MAP2K1: variants seen among roughly 807,000 people sequenced by gnomAD.
MAP2K1 encodes mitogen-activated protein kinase kinase 1, also known as dual specificity mitogen-activated protein kinase kinase 1.
In MAP2K1, 16 loss-of-function variants were observed where a neutral mutation model predicts 46.3. The observed-to-expected ratio is 0.35, with a 90% CI of 0.23 to 0.52. The LOEUF (loss-of-function observed/expected upper bound fraction) is 0.52, where lower values mean the gene tolerates loss of function less well. MAP2K1 is among the 20% of genes least tolerant of loss of function. The pLI is 0.94. For synonymous variants in MAP2K1, 183 were observed against 185.6 expected (o/e 0.99, Z 0.11); for missense variants, 263 against 497.1 (o/e 0.53, Z 4.48).
chr15:66,485,127 C>G lies in MAP2K1; in HGVS notation c.831C>G (p.Cys277Trp), dbSNP rs1893006892. The G allele has an allele frequency of 1.9e-6, 3 of 1,613,890 alleles. No individual in the cohort carries two copies. The highest frequency in any genetic ancestry group is 2.5e-6 in the Non-Finnish European group (3 of 1,180,034). The change falls in exon 7 of 11, where the codon TGC becomes TGG. Residue 277 changes from cysteine (C) to tryptophan (W), a missense_variant. Coordinates refer to ENST00000307102, the MANE Select transcript of MAP2K1 (RefSeq NM_002755.4). ...DAKELELMFG[C>W]QVEGDAAETP... ...AGGAGCTGGAGCTGATGTTTGGGTG[C>G]CAGGTGGAAGGAGATGCGGCTGAGA...
At chr15:66,392,890 A>G (rs1482583853) in intron 1 of MAP2K1, among the ~76,000 whole-genome samples, 1 of 151,966 alleles carries the variant, frequency 6.6e-6, no homozygotes, top group East Asian at 1.9e-4. Flanking sequence ...TTTGAGCTCT[A>G]TTCATGATGC....
chr15:66,426,013 A>G (rs2093457416), intron 1 of MAP2K1, among the ~76,000 whole-genome samples: 2 of 152,312 alleles, frequency 1.3e-5, no homozygotes, highest in East Asian at 1.9e-4. Context: ...TGTTTGCTCA[A>G]TATTACATGT....
intron 1 of MAP2K1, among the ~76,000 whole-genome samples, chr15:66,396,154 C>T (rs1392438102): frequency 2.6e-5 from 4 of 151,808 alleles, no homozygotes; most frequent in Non-Finnish European, 5.9e-5. Flanking sequence ...TACAGGTATG[C>T]GCCACCACAT....
At chr15:66,438,366 C>G (rs997192036) in intron 3 of MAP2K1, among the ~76,000 whole-genome samples, 4 of 152,140 alleles carry the variant, frequency 2.6e-5, no homozygotes, top group African/African-American at 9.7e-5. Context: ...GGATTACAGG[C>G]ATGAGCCACC....
chr15:66,476,315 T>G (rs1892754462), intron 5 of MAP2K1, among the ~76,000 whole-genome samples: 1 of 152,086 alleles, frequency 6.6e-6, no homozygotes, highest in Non-Finnish European at 1.5e-5. Flanking sequence ...GGCCCAGAGG[T>G]GGCCTCAGGA....
chr15:66,419,984 C>T (rs1160867664), intron 1 of MAP2K1, among the ~76,000 whole-genome samples: 6 of 152,022 alleles, frequency 3.9e-5, no homozygotes, highest in Non-Finnish European at 5.9e-5. Context: ...GTGGCTCACA[C>T]CTGTAGTCCC....
intron 1 of MAP2K1, among the ~76,000 whole-genome samples, chr15:66,433,381 G>T (rs1405952339): frequency 2.0e-5 from 3 of 152,180 alleles, no homozygotes; most frequent in Non-Finnish European, 4.4e-5. Context: ...CTAAGAGCAG[G>T]GTGCCAGCAT....
chr15:66,463,649 A>T (rs555631042), intron 5 of MAP2K1, among the ~76,000 whole-genome samples: 1 of 152,240 alleles, frequency 6.6e-6, no homozygotes, highest in African/African-American at 2.4e-5. Flanking sequence ...CGCCCGGCTA[A>T]TTTTTTGTAT....
At chr15:66,437,323 C>A (rs913341561) in intron 3 of MAP2K1, among the ~76,000 whole-genome samples, 3 of 152,274 alleles carry the variant, frequency 2.0e-5, no homozygotes, top group African/African-American at 7.2e-5. Context: ...GTATGATGCA[C>A]GTTAGTGGAA....
intron 5 of MAP2K1, among the ~76,000 whole-genome samples, chr15:66,470,094 G>GTTTT (rs55637393): frequency 0.027 from 2,077 of 76,510 alleles, 10 homozygotes; most frequent in Non-Finnish European, 0.038. Flanking sequence ...TTTTTTTCTT[G>GTTTT]TTTTTTTTTT....
At chr15:66,420,755 GTGTGTATGTGTGTATATATATGTGTA>G (rs1567002975) in intron 1 of MAP2K1, among the ~76,000 whole-genome samples, 2 of 35,906 alleles carry the variant, frequency 5.6e-5, no homozygotes, top group African/African-American at 8.5e-5. Context: ...GTGTGTGTGT[GTGTGTATGTGTGTATATATATGTGTA>G]TATATATGTG....
intron 5 of MAP2K1, among the ~76,000 whole-genome samples, chr15:66,479,005 A>G (rs1263720552): frequency 1.3e-5 from 2 of 152,018 alleles, no homozygotes; most frequent in Non-Finnish European, 2.9e-5. Context: ...GACAGGTGTA[A>G]GTGTCAGAGG....
chr15:66,436,948 G>A, intron 3 of MAP2K1, 56 bp downstream of exon 3: 1 of 1,600,828 alleles, frequency 6.2e-7, no homozygotes, highest in Non-Finnish European at 8.6e-7. Flanking sequence ...GGGTGGCTCT[G>A]GCCTAATCTT....
At chr15:66,470,039 C>CT (rs1331367538) in intron 5 of MAP2K1, among the ~76,000 whole-genome samples, 1 of 147,668 alleles carries the variant, frequency 6.8e-6, no homozygotes, top group Non-Finnish European at 1.5e-5. Flanking sequence ...AAAATCTTTC[C>CT]TTTTTTTCTT....
At chr15:66,404,560 C>CTT (rs2093391341) in intron 1 of MAP2K1, among the ~76,000 whole-genome samples, 2 of 152,256 alleles carry the variant, frequency 1.3e-5, no homozygotes, top group South Asian at 4.1e-4. Context: ...TTCTAAATCA[C>CTT]TGAATAATTT....
chr15:66,477,914 A>G lies in MAP2K1; in HGVS notation c.569-3841A>G, dbSNP rs533913853. The stretch of plus-strand genomic sequence containing the variant: ...TCCAAATCCTGAACACCTGACCTCC[A>G]GGGGCCAGGTACCCAACACCGGTCC... On this transcript the variant is annotated intron_variant, in intron 5 of 10. Coordinates refer to ENST00000307102, the MANE Select transcript of MAP2K1 (RefSeq NM_002755.4). Among the ~76,000 whole-genome samples, 3 of 152,214 alleles carry G rather than the reference A, an allele frequency of 2.0e-5. No individual in the cohort carries two copies. The South Asian group carries it at 6.2e-4, about 32-fold the overall frequency.
chr15:66,396,830 G>A (rs1259276434), intron 1 of MAP2K1, among the ~76,000 whole-genome samples: 17 of 149,508 alleles, frequency 1.1e-4, no homozygotes, highest in Non-Finnish European at 2.5e-4. Context: ...GATTATAGGC[G>A]CACACCACCA....
intron 7 of MAP2K1, 134 bp downstream of exon 7, chr15:66,485,325 CA>C (rs1181404040): frequency 2.3e-6 from 2 of 853,418 alleles, no homozygotes; most frequent in African/African-American, 3.4e-5. Context: ...AGGCTAGGGC[CA>C]GGGGAAGCAG....
chr15:66,429,324 C>T (rs1463288429), intron 1 of MAP2K1, among the ~76,000 whole-genome samples: 1 of 151,900 alleles, frequency 6.6e-6, no homozygotes, highest in Non-Finnish European at 1.5e-5. Flanking sequence ...ACTTATAAAA[C>T]CATCAGCTCT....
Sources: allele counts gnomAD v4.1 joint callset (sites outside exome capture counted in the v4.1 genomes callset), GRCh38; gene constraint gnomAD v4.1.1; transcripts MANE v1.5; gene names NCBI Gene and HGNC (gene_info 2026-07-23, HGNC 2026-07-21).